The following TXNDC8 variants were observed in gnomAD, a reference collection of about 807,000 sequenced individuals.
TXNDC8 encodes thioredoxin domain-containing protein 8.
In TXNDC8, 15 loss-of-function variants were observed where a neutral mutation model predicts 12.9. The observed-to-expected ratio is 1.16, with a 90% confidence interval of 0.78 to 1.79. The LOEUF is 1.79. TXNDC8 is among the 40% of genes most tolerant of loss of function. TXNDC8 has a pLI of 0.00. For synonymous variants in TXNDC8, 40 were observed against 35.4 expected (o/e 1.13, Z -0.46); for missense variants, 128 against 113.2 (o/e 1.13, Z -0.59).
chr9:110,322,891 A>C lies in TXNDC8; in HGVS notation c.195+3284T>G, dbSNP rs572786961. 1.1e-5 allele frequency: 11 copies of C among 985,406 alleles called. No homozygotes were observed. In the East Asian group the frequency reaches 1.1e-3, roughly 102 times the overall value. The allele number at this position is 985,406 out of a possible 1,614,324, so 61.0% of individuals were successfully genotyped here. On this transcript the variant is annotated intron_variant, in intron 3 of 4. Transcript: ENST00000423740. ...CTATCCACTTGGGATTCTTCTAGTC[A>C]CTGAGCTTTCAAATCAGACATGACC...
intron 2 of TXNDC8, among the ~76,000 whole-genome samples, chr9:110,328,888 A>C (rs1163617631): frequency 2.0e-5 from 3 of 152,134 alleles, no homozygotes; most frequent in African/African-American, 7.2e-5. Context: ...ACTTTAACAG[A>C]TTTCTATTGT....
rs983404773 is a variant in TXNDC8, at chr9:110,326,274, T to C, written c.130-34A>G. ...GCAAAGAAATGGCATGAAGTTACAG[T>C]ATTGGTGTCCTCTCTCTGTACCAAG... On this transcript the variant is annotated intron_variant, in intron 2 of 4. Transcript: ENST00000423740. The C allele has an allele frequency of 8.7e-6, 14 of 1,610,730 alleles. No homozygotes were observed. In the Admixed American group the frequency reaches 2.0e-4, roughly 23 times the overall value.
At chr9:110,304,445 A>G (rs368778316) in intron 4 of TXNDC8, 22 bp downstream of exon 5, 66 of 1,599,750 alleles carry the variant, frequency 4.1e-5, no homozygotes, top group Non-Finnish European at 5.6e-5. Context: ...TTCTAACTCT[A>G]ACTTGATCCC....
intron 3 of TXNDC8, chr9:110,323,063 C>T: frequency 2.0e-6 from 2 of 985,260 alleles, no homozygotes; most frequent in Non-Finnish European, 2.4e-6. Context: ...ATTCTATAGG[C>T]AATGGAGGGG....
At chr9:110,301,749 C>T (rs1234240674), downstream of TXNDC8, among the ~76,000 whole-genome samples, 1 of 152,180 alleles carries the variant, frequency 6.6e-6, no homozygotes, top group South Asian at 2.1e-4. Context: ...GACAGGAATA[C>T]TTGGAAATAC....
chr9:110,328,670 G>A (rs1839431875), intron 2 of TXNDC8, among the ~76,000 whole-genome samples: 1 of 152,216 alleles, frequency 6.6e-6, no homozygotes, highest in African/African-American at 2.4e-5. Flanking sequence ...GCCGGGCGTG[G>A]TGGCACATGC....
intron 3 of TXNDC8, among the ~76,000 whole-genome samples, chr9:110,313,493 G>C (rs376381008): frequency 6.6e-6 from 1 of 152,182 alleles, no homozygotes; most frequent in African/African-American, 2.4e-5. Flanking sequence ...CTGAGATTAG[G>C]AGTTTGAGAC....
At chr9:110,336,059 C>A (rs1839745303) in intron 1 of TXNDC8, among the ~76,000 whole-genome samples, 1 of 152,190 alleles carries the variant, frequency 6.6e-6, no homozygotes, top group Non-Finnish European at 1.5e-5. Flanking sequence ...GGCAGTTCCC[C>A]TGCACACGCT....
At chr9:110,322,081 A>G (rs1280667762) in intron 3 of TXNDC8, among the ~76,000 whole-genome samples, 1 of 152,218 alleles carries the variant, frequency 6.6e-6, no homozygotes, top group Admixed American at 6.5e-5. Context: ...TTTTCAAATT[A>G]TATCTAAATT....
chr9:110,310,010 A>G (rs1401692525), intron 3 of TXNDC8, among the ~76,000 whole-genome samples: 1 of 152,216 alleles, frequency 6.6e-6, no homozygotes, highest in East Asian at 1.9e-4. Context: ...CAATAATCTA[A>G]GAATGAGAAG....
At chr9:110,312,199 A>G (rs10125342) in intron 3 of TXNDC8, among the ~76,000 whole-genome samples, 3,248 of 152,258 alleles carry the variant, frequency 0.021, 130 homozygotes, top group African/African-American at 0.074. Flanking sequence ...CAAAATTTGG[A>G]GCATATTTGT....
At chr9:110,326,314 A>T in intron 2 of TXNDC8, 74 bp from the exon 4 acceptor site, 1 of 1,505,926 alleles carries the variant, frequency 6.6e-7, no homozygotes, top group Non-Finnish European at 9.2e-7. Context: ...TTATTTGGTA[A>T]CTTTTTAGGA....
At chr9:110,336,432 A>G (rs1587998786) in intron 1 of TXNDC8, among the ~76,000 whole-genome samples, 1 of 152,192 alleles carries the variant, frequency 6.6e-6, no homozygotes, top group African/African-American at 2.4e-5. Context: ...GGTAGATGCT[A>G]TCCTCACAAA....
intron 3 of TXNDC8, among the ~76,000 whole-genome samples, chr9:110,319,570 C>A (rs2118794791): frequency 6.6e-6 from 1 of 152,308 alleles, no homozygotes; most frequent in East Asian, 1.9e-4. Flanking sequence ...AAGAGGCAGA[C>A]CTGGGGCTCA....
chr9:110,324,467 A>T (rs1388085906), intron 3 of TXNDC8, among the ~76,000 whole-genome samples: 1 of 152,242 alleles, frequency 6.6e-6, no homozygotes, highest in Non-Finnish European at 1.5e-5. Context: ...CATTCTTTAC[A>T]CTGCAGACAT....
At chr9:110,327,385 C>T (rs1365513827) in intron 2 of TXNDC8, among the ~76,000 whole-genome samples, 2 of 151,322 alleles carry the variant, frequency 1.3e-5, no homozygotes, top group East Asian at 1.9e-4. Context: ...TGCAATGGTG[C>T]GATCTGGGCT....
intron 1 of TXNDC8, among the ~76,000 whole-genome samples, chr9:110,336,592 T>C (rs141066039): frequency 7.9e-5 from 12 of 152,280 alleles, no homozygotes; most frequent in South Asian, 2.1e-4. Context: ...GCCTATACTA[T>C]GCCAGCTACT....
At position 110,322,941 on chromosome 9, in the gene TXNDC8, G is replaced by A. The variant is rs1425343210; in HGVS notation, c.195+3234C>T. 3 of 985,308 alleles carry A rather than the reference G, an allele frequency of 3.0e-6. No homozygotes were observed. In the Admixed American group the frequency reaches 1.8e-4, roughly 61 times the overall value. 61.0% of individuals were successfully genotyped at this position (985,308 alleles called of 1,614,324 possible). A position where few individuals can be genotyped will look rare whatever the true frequency, so the allele number is the denominator to read the frequency against. ...CTCCTTCAGGTGCTTGGACTAGTAT[G>A]AGAAAAATACATGAAGATCTGAGTT... On this transcript the variant is annotated intron_variant, in intron 3 of 4. Transcript: ENST00000423740.
At position 110,326,223 on chromosome 9, in the gene TXNDC8, A is replaced by G. The variant is rs1839312387; in HGVS notation, c.147T>C (p.Cys49=). The change falls in exon 3 of 5, where the codon TGT becomes TGC. Residue 49 remains cysteine (C), a synonymous_variant. Transcript: ENST00000423740. Reference sequence around the variant, plus strand: ...GAAATGTGGGTATTGTTTTGATGTGACAAGTTTCAGCCAGCTCCTGGGAAA... The same window carrying G: ...GAAATGTGGGTATTGTTTTGATGTGGCAAGTTTCAGCCAGCTCCTGGGAAA... 2 of 1,614,008 alleles carry G rather than the reference A, an allele frequency of 1.2e-6. No individual in the cohort carries two copies. Among genetic ancestry groups the G allele is most frequent in the South Asian group, 2.2e-5 (2 of 91,074 alleles).
Sources: allele counts gnomAD v4.1 joint callset (sites outside exome capture counted in the v4.1 genomes callset), GRCh38; gene constraint gnomAD v4.1.1; transcripts MANE v1.5; gene names NCBI Gene and HGNC (gene_info 2026-07-23, HGNC 2026-07-21).